PABPC4L: variants seen among roughly 807,000 people sequenced by gnomAD.
The protein encoded by PABPC4L is polyadenylate-binding protein 4-like.
For synonymous variants in PABPC4L, 169 were observed against 164.1 expected, an observed-to-expected ratio of 1.03 and a Z score of -0.23; for missense variants, 452 against 451.4, an observed-to-expected ratio of 1.00 and a Z score of -0.01.
At chr4:133,958,122 T>C in the PABPC4L span, among the ~76,000 whole-genome samples, 2 of 152,312 alleles carry the variant, frequency 1.3e-5, no homozygotes, top group South Asian at 4.1e-4. Flanking sequence ...TTCTATTGCA[T>C]CAACAGGCTG....
the PABPC4L span, among the ~76,000 whole-genome samples, chr4:134,030,583 C>T: frequency 6.6e-6 from 1 of 150,794 alleles, no homozygotes; most frequent in Non-Finnish European, 1.5e-5. Context: ...TTGTTCTACT[C>T]TGTGTATTTA....
At chr4:133,961,536 G>C in the PABPC4L span, among the ~76,000 whole-genome samples, 1 of 152,162 alleles carries the variant, frequency 6.6e-6, no homozygotes, top group African/African-American at 2.4e-5. Context: ...TATCACCTGA[G>C]AGCACAGGGG....
the PABPC4L span, among the ~76,000 whole-genome samples, chr4:134,107,932 G>T: frequency 1.3e-5 from 2 of 151,004 alleles, 1 homozygote; most frequent in Non-Finnish European, 3.0e-5. Flanking sequence ...ATTCATTTTT[G>T]AACTCACACT....
the PABPC4L span, among the ~76,000 whole-genome samples, chr4:134,182,011 A>C: frequency 1.3e-5 from 2 of 151,728 alleles, no homozygotes; most frequent in African/African-American, 4.8e-5. Flanking sequence ...AAAAAAAAAA[A>C]ACAAAAATTA....
At chr4:134,153,635 A>ATTCT in the PABPC4L span, among the ~76,000 whole-genome samples, 1 of 148,078 alleles carries the variant, frequency 6.8e-6, no homozygotes, top group Non-Finnish European at 1.5e-5. Flanking sequence ...AAGCATATTT[A>ATTCT]TTCTTTCTTT....
At chr4:134,108,100 T>C in the PABPC4L span, among the ~76,000 whole-genome samples, 1 of 151,596 alleles carries the variant, frequency 6.6e-6, no homozygotes, top group Admixed American at 6.6e-5. Context: ...AGAAAGATGG[T>C]CTAACAATGT....
the PABPC4L span, among the ~76,000 whole-genome samples, chr4:133,954,931 C>G: frequency 6.6e-6 from 1 of 152,106 alleles, no homozygotes; most frequent in Admixed American, 6.6e-5. Context: ...ATAAGGCCAA[C>G]AGTATACCCA....
the PABPC4L span, among the ~76,000 whole-genome samples, chr4:134,182,582 A>T: frequency 1.2e-3 from 181 of 152,172 alleles, 1 homozygote; most frequent in Non-Finnish European, 2.2e-3. Flanking sequence ...AATTGCAACA[A>T]AAACAAAAAT....
At chr4:134,139,698 C>G in the PABPC4L span, among the ~76,000 whole-genome samples, 1 of 148,640 alleles carries the variant, frequency 6.7e-6, no homozygotes, top group Non-Finnish European at 1.5e-5. Flanking sequence ...TATTTTTTTA[C>G]TTTTTTTTTT....
chr4:133,983,457 T>C, the PABPC4L span, among the ~76,000 whole-genome samples: 27 of 151,514 alleles, frequency 1.8e-4, no homozygotes, highest in Non-Finnish European at 4.4e-5. Flanking sequence ...TAAACTGGAG[T>C]CCTGAACTGA....
the PABPC4L span, among the ~76,000 whole-genome samples, chr4:134,007,067 G>C: frequency 0.19 from 29,276 of 151,626 alleles, 3,393 homozygotes; most frequent in Middle Eastern, 0.26. Flanking sequence ...TTTTGGAATA[G>C]ATAAGATTTT....
chr4:134,169,460 G>T, the PABPC4L span, among the ~76,000 whole-genome samples: 4 of 151,968 alleles, frequency 2.6e-5, no homozygotes, highest in South Asian at 8.3e-4. Context: ...TCAGACAAGA[G>T]AAATAAATAA....
At chr4:133,958,382 C>T in the PABPC4L span, among the ~76,000 whole-genome samples, 5 of 152,326 alleles carry the variant, frequency 3.3e-5, no homozygotes, top group Non-Finnish European at 7.3e-5. Flanking sequence ...AGCCACCCAA[C>T]AAGTCTCTAG....
At chr4:134,152,429 C>T in the PABPC4L span, among the ~76,000 whole-genome samples, 1 of 152,028 alleles carries the variant, frequency 6.6e-6, no homozygotes. Context: ...AGGCAGTGGC[C>T]CCATTTCCAC....
chr4:134,131,427 A>G, the PABPC4L span, among the ~76,000 whole-genome samples: 1 of 151,926 alleles, frequency 6.6e-6, no homozygotes, highest in African/African-American at 2.4e-5. Context: ...CAAATGAAGA[A>G]CTCGATCCCT....
the PABPC4L span, among the ~76,000 whole-genome samples, chr4:133,978,551 G>A: frequency 2.1e-5 from 3 of 146,164 alleles, no homozygotes; most frequent in Non-Finnish European, 4.5e-5. Flanking sequence ...GGGAGGTGGA[G>A]GCTGTGTGTG....
chr4:134,083,756 C>T, the PABPC4L span, among the ~76,000 whole-genome samples: 3 of 152,110 alleles, frequency 2.0e-5, no homozygotes, highest in East Asian at 1.9e-4. Context: ...TTTTTGACAA[C>T]AGGTCTAAAA....
the PABPC4L span, among the ~76,000 whole-genome samples, chr4:133,996,126 C>A: frequency 6.6e-6 from 1 of 152,110 alleles, no homozygotes; most frequent in African/African-American, 2.4e-5. Flanking sequence ...GGGGCTCAGG[C>A]AAAACCTCTG....
At chr4:133,955,272 A>C in the PABPC4L span, among the ~76,000 whole-genome samples, 1 of 152,250 alleles carries the variant, frequency 6.6e-6, no homozygotes, top group South Asian at 2.1e-4. Flanking sequence ...TGGCTTTGAA[A>C]AAAAAAGATT....
Sources: allele counts gnomAD v4.1 joint callset (sites outside exome capture counted in the v4.1 genomes callset), GRCh38; gene constraint gnomAD v4.1.1; transcripts MANE v1.5; gene names NCBI Gene and HGNC (gene_info 2026-07-23, HGNC 2026-07-21).